Variants in CFAP97 observed in about 807,000 individuals in gnomAD.
CFAP97 encodes the protein cilia and flagella associated protein 97.
Under a neutral mutation model 43.1 loss-of-function variants are expected in CFAP97, and 36 were observed. The observed-to-expected ratio is 0.84, with a 90% CI of 0.64 to 1.10. The LOEUF is 1.10. CFAP97 is among the 50% of genes least tolerant of loss of function. The probability of loss-of-function intolerance (pLI) is 0.00; values close to 1 mark genes in which losing one functional copy is unlikely to be tolerated. For missense variants in CFAP97, 657 were observed against 620.3 expected (o/e 1.06, Z -0.63); for synonymous variants, 228 against 225.7 (o/e 1.01, Z -0.09).
rs1734975024 is a variant in CFAP97, at chr4:185,164,066, T to C, written c.1434A>G (p.Arg478=). ...ATTGGCCAAGAGTGGATCTGGCCCG[T>C]CTTGACAATGGTGATGAGTTGAGAT... ...MGYLNSSPLS[R]RARSTLGQYS... is the part of the protein sequence containing the mutation. Residue 478 remains arginine (R), a synonymous_variant, in exon 4 of 5, where the codon AGA becomes AGG. Transcript: ENST00000458385. 6.2e-7 allele frequency: 1 copy of C among 1,613,940 alleles called. No individual in the cohort carries two copies. The highest frequency in any genetic ancestry group is 8.5e-7 in the Non-Finnish European group (1 of 1,179,862).
intron 3 of CFAP97, among the ~76,000 whole-genome samples, chr4:185,172,287 A>G (rs1735334359): frequency 6.6e-6 from 1 of 152,224 alleles, no homozygotes; most frequent in Admixed American, 6.5e-5. Flanking sequence ...GTTTAATGAG[A>G]GGAAGGATAA....
chr4:185,199,871 T>TG (rs35160389), intron 1 of CFAP97, among the ~76,000 whole-genome samples: 60,446 of 152,008 alleles, frequency 0.4, 14,415 homozygotes, highest in East Asian at 0.57. Flanking sequence ...ACAATGTACC[T>TG]GGTCACCCAA....
At chr4:185,191,924 ACT>A (rs972739509) in intron 1 of CFAP97, among the ~76,000 whole-genome samples, 13 of 152,236 alleles carry the variant, frequency 8.5e-5, no homozygotes, top group Admixed American at 7.9e-4. Context: ...TTAAAAAAAA[ACT>A]CATAGTCACT....
chr4:185,179,120 T>A (rs1735679230), intron 2 of CFAP97, among the ~76,000 whole-genome samples: 2 of 151,718 alleles, frequency 1.3e-5, no homozygotes, highest in Middle Eastern at 3.4e-3. Flanking sequence ...CCCAGGAGAT[T>A]CTCAAAGTAC....
chr4:185,164,273 C>CATT, intron 3 of CFAP97, 94 bp from the exon 4 acceptor site: 1 of 993,394 alleles, frequency 1.0e-6, no homozygotes, highest in Non-Finnish European at 1.4e-6. Context: ...CACTTTCTTT[C>CATT]TTTTTTTTTT....
chr4:185,163,880 A>G (rs1734965565), intron 4 of CFAP97, 149 bp downstream of exon 4: 1 of 677,704 alleles, frequency 1.5e-6, no homozygotes, highest in South Asian at 2.3e-5. Flanking sequence ...TAAGTGAACT[A>G]ATACAAATAA....
At chr4:185,209,756 C>T, upstream of CFAP97, 2 of 984,086 alleles carry the variant, frequency 2.0e-6, no homozygotes, top group African/African-American at 3.5e-5. The surrounding 1 kb of genome is among the most constrained non-coding windows in gnomAD (Gnocchi z 5.2). Context: ...CGGGCTCCCC[C>T]TGCCTCCGGA....
intron 1 of CFAP97, among the ~76,000 whole-genome samples, chr4:185,193,908 A>ATAAATAAATAAATAAT (rs1736422762): frequency 6.6e-6 from 1 of 151,958 alleles, no homozygotes; most frequent in Non-Finnish European, 1.5e-5. Context: ...AAATAAATAA[A>ATAAATAAATAAATAAT]TAAGGGAATT....
At chr4:185,205,196 C>T (rs1462874807), upstream of CFAP97, among the ~76,000 whole-genome samples, 2 of 152,190 alleles carry the variant, frequency 1.3e-5, no homozygotes, top group African/African-American at 4.8e-5. Flanking sequence ...TGGCTCACCC[C>T]TGTAATCCCA....
rs754258950 is a variant in CFAP97 at position 185,175,772 on chromosome 4, T to G, written c.1320+14A>C. ...ACACATTTTCTTTGATGACTAATTATTTCAGTTACTTACCAAGTTTTCTCT... is the reference window on the plus strand; with the variant it reads ...ACACATTTTCTTTGATGACTAATTAGTTCAGTTACTTACCAAGTTTTCTCT... On this transcript the variant is annotated intron_variant, in intron 3 of 4. Coordinates refer to ENST00000458385, the MANE Select transcript of CFAP97 (RefSeq NM_020827.3). 1 of 1,607,546 alleles carries G rather than the reference T, an allele frequency of 6.2e-7. No homozygotes were observed. The highest frequency in any genetic ancestry group is 2.2e-5 in the East Asian group (1 of 44,764).
At chr4:185,201,159 A>C (rs930619206) in intron 1 of CFAP97, among the ~76,000 whole-genome samples, 3 of 151,830 alleles carry the variant, frequency 2.0e-5, no homozygotes, top group Non-Finnish European at 4.4e-5. Flanking sequence ...CCTCATCTCT[A>C]CTACAAATAA....
intron 3 of CFAP97, chr4:185,170,035 T>C: frequency 1.7e-6 from 2 of 1,165,642 alleles, no homozygotes; most frequent in Non-Finnish European, 2.1e-6. Context: ...CTTTAATTAT[T>C]CCACATAAGA....
chr4:185,205,824 G>A (rs777541557), upstream of CFAP97, among the ~76,000 whole-genome samples: 2 of 152,098 alleles, frequency 1.3e-5, no homozygotes, highest in Non-Finnish European at 2.9e-5. Flanking sequence ...GCAAGCCCCT[G>A]TCTCTAAATA....
At chr4:185,168,667 G>A (rs1735164827) in intron 3 of CFAP97, among the ~76,000 whole-genome samples, 1 of 151,682 alleles carries the variant, frequency 6.6e-6, no homozygotes, top group African/African-American at 2.4e-5. Context: ...GGCTGAGGCG[G>A]GCAGATCACG....
intron 1 of CFAP97, among the ~76,000 whole-genome samples, chr4:185,197,640 A>G (rs947897340): frequency 6.6e-6 from 1 of 152,072 alleles, no homozygotes; most frequent in African/African-American, 2.4e-5. Context: ...GTTAGCCAGG[A>G]TGGTCTTGAT....
chr4:185,188,704 C>CCT (rs1736106896), intron 2 of CFAP97, among the ~76,000 whole-genome samples: 1 of 150,976 alleles, frequency 6.6e-6, no homozygotes, highest in Admixed American at 6.6e-5. Flanking sequence ...GATTGATTTA[C>CCT]TTTTTTTTTA....
At chr4:185,199,633 G>A (rs1001521513) in intron 1 of CFAP97, among the ~76,000 whole-genome samples, 1 of 152,090 alleles carries the variant, frequency 6.6e-6, no homozygotes, top group African/African-American at 2.4e-5. Context: ...TTGTGCCAGT[G>A]CATTTCAGCC....
intron 2 of CFAP97, among the ~76,000 whole-genome samples, chr4:185,182,967 G>A (rs1735860851): frequency 1.3e-5 from 2 of 152,040 alleles, no homozygotes; most frequent in African/African-American, 4.8e-5. Context: ...GGGCGTGGTG[G>A]TGCCCGCCTG....
At chr4:185,170,637 C>T (rs187297176) in intron 3 of CFAP97, among the ~76,000 whole-genome samples, 1 of 151,740 alleles carries the variant, frequency 6.6e-6, no homozygotes, top group East Asian at 2.0e-4. Flanking sequence ...TGGTCTCCAA[C>T]TCCTGACCTC....
Sources: gnomAD v4.1 joint callset for allele counts (sites outside exome capture counted in the v4.1 genomes callset) on GRCh38, gnomAD v4.1.1 for gene constraint, Gnocchi (gnomAD v3.1) non-coding constraint, MANE v1.5 for transcripts, NCBI Gene and HGNC (gene_info 2026-07-23, HGNC 2026-07-21) for gene names.